CCDC122: variants seen among roughly 807,000 people sequenced by gnomAD.
CCDC122 encodes coiled-coil domain-containing protein 122.
Under a neutral mutation model 37.0 loss-of-function variants are expected in CCDC122, and 38 were observed. That is an observed-to-expected ratio of 1.03 (90% CI 0.79 to 1.35). CCDC122 has a LOEUF of 1.35. Among genes scored for constraint, CCDC122 ranks in the 40% most tolerant of loss-of-function variants. CCDC122 has a pLI of 0.00. For synonymous variants in CCDC122, 83 were observed against 95.6 expected, an observed-to-expected ratio of 0.87 and a Z score of 0.77; for missense variants, 305 against 310.0, an observed-to-expected ratio of 0.98 and a Z score of 0.12.
chr13:43,866,977 AGAG>A (rs2153877870), intron 4 of CCDC122, among the ~76,000 whole-genome samples: 1 of 152,292 alleles, frequency 6.6e-6, no homozygotes, highest in African/African-American at 2.4e-5. Flanking sequence ...AATAGAAGTA[AGAG>A]GAGACATCTT....
intron 2 of CCDC122, among the ~76,000 whole-genome samples, chr13:43,874,100 G>A (rs1465614167): frequency 6.6e-6 from 1 of 152,162 alleles, no homozygotes; most frequent in East Asian, 1.9e-4. Flanking sequence ...CTTTTTAGAA[G>A]AATTGTTTCA....
chr13:43,848,183 T>G (rs763490073), intron 6 of CCDC122, among the ~76,000 whole-genome samples: 5 of 152,252 alleles, frequency 3.3e-5, no homozygotes, highest in Non-Finnish European at 5.9e-5. Context: ...TACATCATAC[T>G]AAATTAAATA....
At chr13:43,819,271 G>A (rs1392074388), downstream of CCDC122, among the ~76,000 whole-genome samples, 1 of 152,148 alleles carries the variant, frequency 6.6e-6, no homozygotes, top group Non-Finnish European at 1.5e-5. Context: ...CCAGGGGACA[G>A]AATTCAGTAA....
chr13:43,826,291 T>C (rs537607687), intron 3 of CCDC122, among the ~76,000 whole-genome samples: 10 of 152,320 alleles, frequency 6.6e-5, no homozygotes, highest in Admixed American at 5.9e-4. Context: ...TCAGGGACAC[T>C]GTATTTTTGA....
chr13:43,863,502 T>C (rs751279661), intron 4 of CCDC122, among the ~76,000 whole-genome samples: 1 of 152,204 alleles, frequency 6.6e-6, no homozygotes, highest in Non-Finnish European at 1.5e-5. Context: ...AAAAGTTAAA[T>C]GGCTAGATTA....
chr13:43,821,541 A>G (rs1472687212), downstream of CCDC122, among the ~76,000 whole-genome samples: 1 of 152,104 alleles, frequency 6.6e-6, no homozygotes, highest in Admixed American at 6.5e-5. Flanking sequence ...TAGATTTGAT[A>G]AGTTCTCTGC....
At chr13:43,824,128 G>A (rs1269873777) in intron 3 of CCDC122, 1 of 152,194 alleles carries the variant, frequency 6.6e-6, no homozygotes. Flanking sequence ...CAATATGAGT[G>A]AACAATATGC....
chr13:43,836,424 G>A lies in CCDC122; in HGVS notation c.*856C>T, dbSNP rs1206320086. 2.6e-5 allele frequency: 4 copies of A among 152,154 alleles called. No individual in the cohort carries two copies. Among genetic ancestry groups the A allele is most frequent in the African/African-American group, 9.7e-5 (4 of 41,420 alleles). 9.4% of individuals were successfully genotyped at this position (152,154 alleles called of 1,614,324 possible). ...ATGTTATTTTATAACAAAGAAAAAT[G>A]ATTGTTACCTTCTGGATAAAAGAGA... On this transcript the variant is annotated 3_prime_UTR_variant, in exon 7 of 7. Coordinates refer to ENST00000444614, the MANE Select transcript of CCDC122 (RefSeq NM_144974.5).
intron 2 of CCDC122, 71 bp from the exon 3 acceptor site, chr13:43,869,560 T>C: frequency 1.9e-6 from 1 of 534,588 alleles, no homozygotes; most frequent in Non-Finnish European, 3.3e-6. Context: ...TGCCAAGAAT[T>C]AGAATACAAT....
At chr13:43,842,758 A>G (rs951347701) in intron 6 of CCDC122, among the ~76,000 whole-genome samples, 31 of 152,036 alleles carry the variant, frequency 2.0e-4, no homozygotes, top group Admixed American at 2.0e-3. Context: ...CAAGTATTTT[A>G]TGTCATTTAG....
chr13:43,849,418 A>G (rs1018216173), intron 6 of CCDC122, among the ~76,000 whole-genome samples: 1 of 152,200 alleles, frequency 6.6e-6, no homozygotes, highest in African/African-American at 2.4e-5. Flanking sequence ...GTAGAACTAA[A>G]AGCTCTGGAC....
At chr13:43,867,700 C>A (rs772139561) in intron 4 of CCDC122, among the ~76,000 whole-genome samples, 2 of 152,040 alleles carry the variant, frequency 1.3e-5, no homozygotes, top group Non-Finnish European at 2.9e-5. Flanking sequence ...GGAATAAAGT[C>A]TATGAAACTC....
At chr13:43,819,105 G>T (rs185990735), downstream of CCDC122, among the ~76,000 whole-genome samples, 12 of 152,194 alleles carry the variant, frequency 7.9e-5, no homozygotes, top group African/African-American at 2.9e-4. Context: ...TCACTTATTA[G>T]ATAAAAGCAT....
downstream of CCDC122, among the ~76,000 whole-genome samples, chr13:43,820,878 G>A (rs946590461): frequency 2.6e-5 from 4 of 152,082 alleles, no homozygotes; most frequent in Admixed American, 2.6e-4. Context: ...CATTTTGAAG[G>A]GTATGCGTTC....
intron 2 of CCDC122, among the ~76,000 whole-genome samples, chr13:43,873,328 AT>A (rs1954504416): frequency 6.6e-6 from 1 of 152,180 alleles, no homozygotes; most frequent in Non-Finnish European, 1.5e-5. Context: ...TTTAATAGGC[AT>A]TTCAACTCAA....
At chr13:43,874,482 A>G (rs1426614110) in intron 2 of CCDC122, among the ~76,000 whole-genome samples, 1 of 152,186 alleles carries the variant, frequency 6.6e-6, no homozygotes, top group Non-Finnish European at 1.5e-5. Context: ...AGTAACCTAA[A>G]GAATAAAGAA....
intron 6 of CCDC122, among the ~76,000 whole-genome samples, chr13:43,846,024 G>C (rs930386703): frequency 6.6e-6 from 1 of 151,764 alleles, no homozygotes; most frequent in Admixed American, 6.6e-5. Context: ...TGAGTCAACT[G>C]TTGCTATTTT....
At chr13:43,857,624 C>T (rs945096382) in intron 6 of CCDC122, among the ~76,000 whole-genome samples, 2 of 151,806 alleles carry the variant, frequency 1.3e-5, no homozygotes, top group African/African-American at 2.4e-5. Context: ...TTTTTCTGGC[C>T]GGGTGTGGTG....
chr13:43,820,117 T>G (rs190554779), downstream of CCDC122, among the ~76,000 whole-genome samples: 1 of 152,278 alleles, frequency 6.6e-6, no homozygotes, highest in African/African-American at 2.4e-5. Flanking sequence ...ATCTTTGACT[T>G]GAAAAACATA....
Sources: allele counts gnomAD v4.1 joint callset (sites outside exome capture counted in the v4.1 genomes callset), GRCh38; gene constraint gnomAD v4.1.1; transcripts MANE v1.5; gene names NCBI Gene and HGNC (gene_info 2026-07-23, HGNC 2026-07-21).